Variants in TEAD1 observed in about 807,000 individuals in gnomAD.
TEAD1 encodes the protein transcriptional enhancer factor TEF-1.
TEAD1 carries 9 observed loss-of-function variants against 54.9 expected under a neutral mutation model. The observed-to-expected ratio is 0.16, with a 90% confidence interval of 0.10 to 0.29. TEAD1 has a LOEUF of 0.29. Among genes scored for constraint, TEAD1 ranks in the 10% least tolerant of loss-of-function variants. TEAD1 has a pLI of 1.00. For missense variants in TEAD1, 387 were observed against 535.9 expected (o/e 0.72, Z 2.74); for synonymous variants, 200 against 187.8 (o/e 1.07, Z -0.53).
intron 3 of TEAD1, among the ~76,000 whole-genome samples, chr11:12,780,988 C>T (rs1222267394): frequency 6.6e-6 from 1 of 152,178 alleles, no homozygotes; most frequent in Non-Finnish European, 1.5e-5. Context: ...CAGTGTGGTA[C>T]TGGGATAAAT....
intron 2 of TEAD1, among the ~76,000 whole-genome samples, chr11:12,680,778 C>A (rs1309808696): frequency 6.6e-6 from 1 of 152,214 alleles, no homozygotes; most frequent in Non-Finnish European, 1.5e-5. Context: ...ACAGTAGCTG[C>A]CCCACATGCC....
chr11:12,745,894 A>G (rs1001911536), intron 2 of TEAD1, among the ~76,000 whole-genome samples: 1 of 152,232 alleles, frequency 6.6e-6, no homozygotes, highest in Non-Finnish European at 1.5e-5. Context: ...TTTTGCACGT[A>G]CGGGATTACA....
chr11:12,911,477 AG>A (rs1948616511), intron 10 of TEAD1, among the ~76,000 whole-genome samples: 1 of 152,220 alleles, frequency 6.6e-6, no homozygotes, highest in African/African-American at 2.4e-5. Flanking sequence ...GCTATCAGGA[AG>A]GAGGGGCCTT....
intron 9 of TEAD1, among the ~76,000 whole-genome samples, chr11:12,886,038 C>T (rs72862725): frequency 0.14 from 21,602 of 152,160 alleles, 2,071 homozygotes; most frequent in East Asian, 0.26. Flanking sequence ...ATACTGAACG[C>T]TGTGAGTAAC....
intron 3 of TEAD1, among the ~76,000 whole-genome samples, chr11:12,855,010 T>C (rs1947345102): frequency 6.6e-6 from 1 of 152,194 alleles, no homozygotes; most frequent in Non-Finnish European, 1.5e-5. Flanking sequence ...TCCTTTCTTT[T>C]CCACTATTGC....
At chr11:12,718,696 T>C (rs1044040831) in intron 2 of TEAD1, among the ~76,000 whole-genome samples, 1 of 152,216 alleles carries the variant, frequency 6.6e-6, no homozygotes, top group Admixed American at 6.5e-5. Flanking sequence ...CTTTTCTTTT[T>C]TCTTTAATTA....
rs1423633375 is a variant in TEAD1, at chr11:12,756,449, T to TTG, written c.-54-7728_-54-7727dup. 2.6e-5 allele frequency among the ~76,000 whole-genome samples: 4 copies of TTG among 152,238 alleles called. No individual in the cohort carries two copies. In the East Asian group the frequency reaches 7.7e-4, roughly 29 times the overall value. ...TTCACTTGTATTTTTCTCAGGCCACTTGTTAGCAAGGTTGGCTAGTGTCTT... is the reference window on the plus strand; with the variant it reads ...TTCACTTGTATTTTTCTCAGGCCACTTGTGTTAGCAAGGTTGGCTAGTGTCTT... On this transcript the variant is annotated intron_variant, in intron 2 of 12. Coordinates refer to ENST00000527636, the MANE Select transcript of TEAD1 (RefSeq NM_021961.6).
chr11:12,789,324 C>T (rs1945748351), intron 3 of TEAD1, among the ~76,000 whole-genome samples: 1 of 152,124 alleles, frequency 6.6e-6, no homozygotes. Context: ...ACATAGTGAC[C>T]AGTGTCATTC....
At chr11:12,758,506 G>C (rs1945034145) in intron 2 of TEAD1, among the ~76,000 whole-genome samples, 1 of 150,762 alleles carries the variant, frequency 6.6e-6, no homozygotes, top group South Asian at 2.1e-4. Context: ...CACCTCCCAG[G>C]TTCACGCCAT....
chr11:12,823,089 C>T (rs1410878727), intron 3 of TEAD1, among the ~76,000 whole-genome samples: 2 of 152,186 alleles, frequency 1.3e-5, no homozygotes, highest in Non-Finnish European at 2.9e-5. Context: ...CCCAGCACAT[C>T]TCATCTTTGC....
intron 3 of TEAD1, among the ~76,000 whole-genome samples, chr11:12,840,466 G>A (rs7119925): frequency 0.022 from 3,356 of 152,138 alleles, 126 homozygotes; most frequent in African/African-American, 0.077. Flanking sequence ...TTGTAAAGAG[G>A]TCAGTCCAAA....
intron 10 of TEAD1, among the ~76,000 whole-genome samples, chr11:12,908,659 T>C (rs1053413773): frequency 6.6e-6 from 1 of 152,220 alleles, no homozygotes; most frequent in Non-Finnish European, 1.5e-5. Flanking sequence ...CAACTACCAT[T>C]AGGAGAAAGC....
At chr11:12,778,477 A>G (rs1945475585) in intron 3 of TEAD1, among the ~76,000 whole-genome samples, 2 of 147,580 alleles carry the variant, frequency 1.4e-5, no homozygotes, top group South Asian at 2.1e-4. Flanking sequence ...TCCCTCTCTT[A>G]TGTTTCCAAA....
chr11:12,791,047 ATTCACAT>A (rs1412785926), intron 3 of TEAD1, among the ~76,000 whole-genome samples: 1 of 152,244 alleles, frequency 6.6e-6, no homozygotes, highest in African/African-American at 2.4e-5. Flanking sequence ...GTATGCACAT[ATTCACAT>A]TAGCATTATT....
chr11:12,910,829 C>T (rs1948604807), intron 10 of TEAD1, among the ~76,000 whole-genome samples: 2 of 150,232 alleles, frequency 1.3e-5, no homozygotes, highest in Admixed American at 1.3e-4. Context: ...TCACTGCAAC[C>T]TCTGCCTGTC....
intron 3 of TEAD1, among the ~76,000 whole-genome samples, chr11:12,792,816 G>T: frequency 6.6e-6 from 1 of 152,178 alleles, no homozygotes; most frequent in East Asian, 1.9e-4. Context: ...AGTGGTTTGG[G>T]CAGCTGAGAC....
At chr11:12,909,475 G>A (rs1202629310) in intron 10 of TEAD1, among the ~76,000 whole-genome samples, 1 of 146,026 alleles carries the variant, frequency 6.8e-6, no homozygotes, top group African/African-American at 2.7e-5. Context: ...GTTGAACAAT[G>A]AGAACACAGG....
chr11:12,721,038 A>G (rs1333687002), intron 2 of TEAD1, among the ~76,000 whole-genome samples: 38 of 152,016 alleles, frequency 2.5e-4, no homozygotes, highest in Admixed American at 2.5e-3. Context: ...GTATTCTTTT[A>G]TTTTTCATGT....
intron 3 of TEAD1, among the ~76,000 whole-genome samples, chr11:12,825,180 A>C (rs1311796484): frequency 6.6e-6 from 1 of 152,200 alleles, no homozygotes; most frequent in Non-Finnish European, 1.5e-5. Context: ...CTTCCTGTTA[A>C]GATCTGAAGC....
Sources: gnomAD v4.1 joint callset for allele counts (sites outside exome capture counted in the v4.1 genomes callset) on GRCh38, gnomAD v4.1.1 for gene constraint, MANE v1.5 for transcripts, NCBI Gene and HGNC (gene_info 2026-07-23, HGNC 2026-07-21) for gene names.